The following PRKD1 variants were observed in gnomAD, a reference collection of about 807,000 sequenced individuals.
PRKD1 encodes serine/threonine-protein kinase D1.
A neutral mutation model predicts 95.9 loss-of-function variants in PRKD1; 63 were observed. The observed-to-expected ratio is 0.66, with a 90% CI of 0.54 to 0.81. The LOEUF (loss-of-function observed/expected upper bound fraction) is 0.81, where lower values mean the gene tolerates loss of function less well. Ranked by LOEUF, PRKD1 falls within the 30% of genes least tolerant of loss-of-function variation. The probability of loss-of-function intolerance (pLI) is 0.00; values close to 1 mark genes in which losing one functional copy is unlikely to be tolerated. For missense variants in PRKD1, 1,048 were observed against 1,165.3 expected, an observed-to-expected ratio of 0.90 and a Z score of 1.47; for synonymous variants, 425 against 423.1, an observed-to-expected ratio of 1.00 and a Z score of -0.05.
At chr14:29,751,393 G>A (rs1174963977) in intron 1 of PRKD1, among the ~76,000 whole-genome samples, 1 of 152,126 alleles carries the variant, frequency 6.6e-6, no homozygotes, top group Non-Finnish European at 1.5e-5. Flanking sequence ...ATAAAAAGAT[G>A]AGGCATGCAC....
At chr14:29,760,129 C>T (rs940268388) in intron 1 of PRKD1, among the ~76,000 whole-genome samples, 2 of 152,060 alleles carry the variant, frequency 1.3e-5, no homozygotes, top group African/African-American at 4.8e-5. Context: ...TTTTATTTTT[C>T]CTTTTAATAC....
Position 29,794,865 on chromosome 14 carries a change from C to A in PRKD1, c.265-69191G>T, listed in dbSNP as rs188583103. On this transcript the variant is annotated intron_variant, in intron 1 of 17. Transcript: ENST00000331968. ...GTAACCCTCCCAATATTGATAAATT[C>A]TTCTAATTTATACTAGCAGCAATGT... Among the ~76,000 whole-genome samples, 51 of 152,156 alleles carry A rather than the reference C, an allele frequency of 3.4e-4. 1 individual carries two copies. Among genetic ancestry groups the A allele is most frequent in the Middle Eastern group, 6.8e-3 (2 of 294 alleles).
intron 2 of PRKD1, among the ~76,000 whole-genome samples, chr14:29,700,971 C>T (rs1016095110): frequency 6.9e-5 from 3 of 43,538 alleles, no homozygotes; most frequent in Non-Finnish European, 1.3e-4. Flanking sequence ...TGTACGCGTG[C>T]GCATGCGCGC....
chr14:29,923,381 T>A (rs1895192299), intron 1 of PRKD1, among the ~76,000 whole-genome samples: 2 of 151,986 alleles, frequency 1.3e-5, no homozygotes, highest in South Asian at 2.1e-4. Flanking sequence ...TTAAAAGGAG[T>A]TTGTTGGTCC....
chr14:29,778,584 C>T (rs1040460708), intron 1 of PRKD1, among the ~76,000 whole-genome samples: 4 of 152,090 alleles, frequency 2.6e-5, no homozygotes, highest in Non-Finnish European at 5.9e-5. Context: ...CAAGACTAAA[C>T]CAGGAAAAAG....
chr14:29,625,043 A>T (rs1261954515), intron 12 of PRKD1, among the ~76,000 whole-genome samples: 2 of 152,182 alleles, frequency 1.3e-5, no homozygotes, highest in Non-Finnish European at 2.9e-5. Context: ...TAATTACTCA[A>T]ACTTTTTGGT....
chr14:29,808,784 A>C (rs563301804), intron 1 of PRKD1, among the ~76,000 whole-genome samples: 4 of 152,284 alleles, frequency 2.6e-5, no homozygotes, highest in Non-Finnish European at 5.9e-5. Context: ...AAAGTCATCC[A>C]TAAGTGTTGG....
At chr14:29,856,659 GAGA>G (rs2139349983) in intron 1 of PRKD1, among the ~76,000 whole-genome samples, 1 of 152,270 alleles carries the variant, frequency 6.6e-6, no homozygotes, top group Non-Finnish European at 1.5e-5. Flanking sequence ...ATACTCAAGA[GAGA>G]AGGAGCCCAG....
chr14:29,790,285 G>A (rs1337954727), intron 1 of PRKD1, among the ~76,000 whole-genome samples: 1 of 151,822 alleles, frequency 6.6e-6, no homozygotes, highest in African/African-American at 2.4e-5. Flanking sequence ...GTTTATAAGT[G>A]TTTATGGGAT....
intron 2 of PRKD1, among the ~76,000 whole-genome samples, chr14:29,702,675 C>T (rs1009296493): frequency 6.6e-6 from 1 of 152,002 alleles, no homozygotes; most frequent in African/African-American, 2.4e-5. Flanking sequence ...AAAAGTTATG[C>T]ATAGTATTAT....
intron 2 of PRKD1, among the ~76,000 whole-genome samples, chr14:29,688,087 G>A (rs1176762932): frequency 2.0e-5 from 3 of 152,100 alleles, no homozygotes; most frequent in African/African-American, 7.2e-5. Context: ...GAGTTTCCTG[G>A]AAATAATACA....
At chr14:29,898,355 T>C (rs1011365132) in intron 1 of PRKD1, among the ~76,000 whole-genome samples, 1 of 152,116 alleles carries the variant, frequency 6.6e-6, no homozygotes, top group Non-Finnish European at 1.5e-5. Context: ...TTTTAGCCAA[T>C]ATGTCTAAGA....
At chr14:29,778,400 CA>C (rs1197693570) in intron 1 of PRKD1, among the ~76,000 whole-genome samples, 2 of 151,846 alleles carry the variant, frequency 1.3e-5, no homozygotes, top group Non-Finnish European at 2.9e-5. Context: ...GCAAGATTAA[CA>C]AAGAAGAAAA....
At chr14:29,676,177 G>GTTTTTTT (rs147308040) in intron 2 of PRKD1, among the ~76,000 whole-genome samples, 16 of 104,748 alleles carry the variant, frequency 1.5e-4, no homozygotes, top group African/African-American at 2.5e-4. Context: ...AGTTCATTAC[G>GTTTTTTT]TTTTTGTTTT....
chr14:29,583,177 T>G (rs1006573087), intron 16 of PRKD1, among the ~76,000 whole-genome samples: 2 of 152,114 alleles, frequency 1.3e-5, no homozygotes, highest in African/African-American at 4.8e-5. Flanking sequence ...TGTACCTCCT[T>G]CTATAAAAAC....
chr14:29,846,126 C>A (rs1053534033), intron 1 of PRKD1, among the ~76,000 whole-genome samples: 1 of 152,132 alleles, frequency 6.6e-6, no homozygotes, highest in African/African-American at 2.4e-5. Context: ...TTTATTCATT[C>A]AATATCAAAC....
chr14:29,695,267 T>C (rs1179924219), intron 2 of PRKD1, among the ~76,000 whole-genome samples: 1 of 149,828 alleles, frequency 6.7e-6, no homozygotes, highest in Non-Finnish European at 1.5e-5. Flanking sequence ...TACCAATTGA[T>C]ATATCTGTGA....
chr14:29,704,966 T>C (rs1310481606), intron 2 of PRKD1, among the ~76,000 whole-genome samples: 1 of 152,114 alleles, frequency 6.6e-6, no homozygotes, highest in Non-Finnish European at 1.5e-5. Context: ...GATGTAGTGT[T>C]ATTCCATCAA....
chr14:29,770,057 C>G (rs1305484132), intron 1 of PRKD1, among the ~76,000 whole-genome samples: 1 of 152,126 alleles, frequency 6.6e-6, no homozygotes, highest in African/African-American at 2.4e-5. Flanking sequence ...GCCTCTTCCA[C>G]CATTGTGAGG....
Sources: gnomAD v4.1 joint callset for allele counts (sites outside exome capture counted in the v4.1 genomes callset) on GRCh38, gnomAD v4.1.1 for gene constraint, MANE v1.5 for transcripts, NCBI Gene and HGNC (gene_info 2026-07-23, HGNC 2026-07-21) for gene names.